ZSWIM6: variants seen among roughly 807,000 people sequenced by gnomAD.
The protein encoded by ZSWIM6 is zinc finger SWIM-type containing 6.
Under a neutral mutation model 113.2 loss-of-function variants are expected in ZSWIM6, and 9 were observed. The observed-to-expected ratio is 0.08, with a 90% CI of 0.05 to 0.14. The LOEUF (loss-of-function observed/expected upper bound fraction) is 0.14. Among genes scored for constraint, ZSWIM6 ranks in the 10% least tolerant of loss-of-function variants. The probability of loss-of-function intolerance (pLI) is 1.00; values close to 1 mark genes in which losing one functional copy is unlikely to be tolerated. For missense variants in ZSWIM6, 1,162 were observed against 1,552.2 expected, an observed-to-expected ratio of 0.75 and a Z score of 4.22; for synonymous variants, 611 against 606.5, an observed-to-expected ratio of 1.01 and a Z score of -0.11.
chr5:61,466,781 C>CT (rs34038890), intron 1 of ZSWIM6, among the ~76,000 whole-genome samples: 9 of 151,906 alleles, frequency 5.9e-5, no homozygotes, highest in East Asian at 5.8e-4. Flanking sequence ...TTTAAAATCC[C>CT]TTTTTTTTCA....
chr5:61,365,169 C>T (rs572583826), intron 1 of ZSWIM6, among the ~76,000 whole-genome samples: 8 of 151,978 alleles, frequency 5.3e-5, no homozygotes, highest in African/African-American at 1.9e-4. Flanking sequence ...CTGGCCAACA[C>T]GGTGAAACCC....
intron 1 of ZSWIM6, chr5:61,391,337 G>T (rs1745706927): frequency 1.2e-6 from 1 of 823,652 alleles, no homozygotes; most frequent in Non-Finnish European, 2.2e-6. Flanking sequence ...TCCATCAGGT[G>T]GGCCTTCCTC....
intron 1 of ZSWIM6, among the ~76,000 whole-genome samples, chr5:61,415,247 A>T (rs907420242): frequency 6.6e-6 from 1 of 152,218 alleles, no homozygotes; most frequent in Non-Finnish European, 1.5e-5. Flanking sequence ...GAGATATTTC[A>T]TATATCAAGA....
At chr5:61,369,879 G>A (rs916211381) in intron 1 of ZSWIM6, among the ~76,000 whole-genome samples, 1 of 152,164 alleles carries the variant, frequency 6.6e-6, no homozygotes, top group African/African-American at 2.4e-5. Flanking sequence ...GTTAAGTGGT[G>A]TAAATGGTTC....
intron 1 of ZSWIM6, among the ~76,000 whole-genome samples, chr5:61,420,267 A>C (rs1265810352): frequency 6.6e-6 from 1 of 152,280 alleles, no homozygotes; most frequent in African/African-American, 2.4e-5. Context: ...GTCTAATGAC[A>C]GAATAGGATT....
chr5:61,390,098 A>G lies in ZSWIM6; in HGVS notation c.676+57150A>G, dbSNP rs113865230. Among the ~76,000 whole-genome samples the G allele has an allele frequency of 2.4e-4, 37 of 152,224 alleles. 2 individuals are homozygous for G. The highest frequency in any genetic ancestry group is 7.0e-4 in the African/African-American group (29 of 41,532). On this transcript the variant is annotated intron_variant, in intron 1 of 13. Coordinates refer to ENST00000252744, the MANE Select transcript of ZSWIM6 (RefSeq NM_020928.2). ...CTTTTCTCTGTCAGCCTGCCTGCCT[A>G]TCTGCCTGCCAGCCAGTCGTCTGCC...
intron 1 of ZSWIM6, among the ~76,000 whole-genome samples, chr5:61,372,840 G>A (rs1038589644): frequency 2.0e-5 from 3 of 152,038 alleles, no homozygotes; most frequent in African/African-American, 7.2e-5. Flanking sequence ...CAGAAAATTA[G>A]CAGCGTCTTA....
At chr5:61,477,616 C>T (rs1747739243) in intron 2 of ZSWIM6, among the ~76,000 whole-genome samples, 1 of 152,212 alleles carries the variant, frequency 6.6e-6, no homozygotes, top group African/African-American at 2.4e-5. Flanking sequence ...TCCTGCTTAA[C>T]CTTGCCTCTG....
chr5:61,409,828 G>A (rs1746119204), intron 1 of ZSWIM6, among the ~76,000 whole-genome samples: 1 of 152,100 alleles, frequency 6.6e-6, no homozygotes, highest in Non-Finnish European at 1.5e-5. Flanking sequence ...GGATCTAAAA[G>A]GAGCCATTAA....
intron 2 of ZSWIM6, among the ~76,000 whole-genome samples, chr5:61,476,172 ATTAG>A (rs899124327): frequency 4.6e-5 from 7 of 152,080 alleles, no homozygotes; most frequent in Non-Finnish European, 7.4e-5. Flanking sequence ...AACTTATCCT[ATTAG>A]TTGTTCTTAG....
At chr5:61,419,569 A>G (rs1029006547) in intron 1 of ZSWIM6, among the ~76,000 whole-genome samples, 22 of 152,228 alleles carry the variant, frequency 1.4e-4, no homozygotes, top group African/African-American at 5.3e-4. Context: ...ATAACATGGA[A>G]CATTCATTTT....
intron 1 of ZSWIM6, among the ~76,000 whole-genome samples, chr5:61,353,442 GCT>G (rs1744832447): frequency 6.6e-6 from 1 of 152,140 alleles, no homozygotes; most frequent in Non-Finnish European, 1.5e-5. Flanking sequence ...AGGCCTCCCA[GCT>G]CTCAAGTGGG....
chr5:61,497,689 A>G (rs188673859), intron 4 of ZSWIM6, among the ~76,000 whole-genome samples: 2 of 152,336 alleles, frequency 1.3e-5, no homozygotes, highest in East Asian at 1.9e-4. Flanking sequence ...TATTTTCCCA[A>G]ACATACACCA....
intron 4 of ZSWIM6, among the ~76,000 whole-genome samples, chr5:61,496,090 C>A (rs1451548627): frequency 2.0e-5 from 3 of 152,108 alleles, no homozygotes; most frequent in African/African-American, 7.2e-5. Flanking sequence ...CGTACCTTAA[C>A]CCTCAATCAG....
At position 61,490,882 on chromosome 5, in the gene ZSWIM6, C is replaced by G; in HGVS notation, c.1130C>G (p.Ser377Cys). Reference sequence around the variant, plus strand: ...CAAGAACAGGTTAAACTGTTCCTTTCCCAGGGCGGGTACCACGGATCAGGG... The same window carrying G: ...CAAGAACAGGTTAAACTGTTCCTTTGCCAGGGCGGGTACCACGGATCAGGG... ...QVQEQVKLFL[S>C]QGGYHGSGKQ... Residue 377 changes from serine to cysteine, a missense_variant, in exon 3 of 14, where the codon TCC becomes TGC. This residue lies in a region of ZSWIM6 where 96 missense variants were observed against 240.3 expected (regional missense o/e 0.40). Transcript: ENST00000252744. 4 of 1,542,298 alleles carry G rather than the reference C, an allele frequency of 2.6e-6. No individual in the cohort carries two copies. The highest frequency in any genetic ancestry group is 3.5e-6 in the Non-Finnish European group (4 of 1,143,892).
intron 1 of ZSWIM6, among the ~76,000 whole-genome samples, chr5:61,455,810 C>T (rs1305527033): frequency 6.1e-5 from 9 of 147,658 alleles, no homozygotes; most frequent in African/African-American, 2.0e-4. Context: ...CCTCCACCCC[C>T]GCCTTCTCTC....
At chr5:61,356,790 TATATA>T (rs1356189007) in intron 1 of ZSWIM6, among the ~76,000 whole-genome samples, 1 of 141,804 alleles carries the variant, frequency 7.1e-6, no homozygotes. Flanking sequence ...AAATATTTTA[TATATA>T]ATATAAATAT....
At chr5:61,480,073 T>C (rs1229926872) in intron 2 of ZSWIM6, among the ~76,000 whole-genome samples, 4 of 152,214 alleles carry the variant, frequency 2.6e-5, no homozygotes, top group Non-Finnish European at 5.9e-5. Context: ...GTGTACTGAG[T>C]AATCATTAAT....
At chr5:61,521,725 T>C (rs1375316716) in intron 5 of ZSWIM6, among the ~76,000 whole-genome samples, 1 of 152,220 alleles carries the variant, frequency 6.6e-6, no homozygotes, top group Non-Finnish European at 1.5e-5. Flanking sequence ...TGATTTATTA[T>C]GGACATTCTT....
Sources: allele counts gnomAD v4.1 joint callset (sites outside exome capture counted in the v4.1 genomes callset), GRCh38; gene constraint gnomAD v4.1.1; regional missense constraint gnomAD v4.1.1; transcripts MANE v1.5; gene names NCBI Gene and HGNC (gene_info 2026-07-23, HGNC 2026-07-21).